CTNND1: variants seen among roughly 807,000 people sequenced by gnomAD.
CTNND1 encodes catenin delta-1.
A neutral mutation model predicts 112.1 loss-of-function variants in CTNND1; 16 were observed. That is an observed-to-expected ratio of 0.14 (90% CI 0.10 to 0.22). The LOEUF is 0.22. Ranked by LOEUF, CTNND1 falls within the 10% of genes least tolerant of loss-of-function variation. The probability of loss-of-function intolerance (pLI) is 1.00; values close to 1 mark genes in which losing one functional copy is unlikely to be tolerated. For synonymous variants in CTNND1, 420 were observed against 446.5 expected, an observed-to-expected ratio of 0.94 and a Z score of 0.75; for missense variants, 1,008 against 1,257.0, an observed-to-expected ratio of 0.80 and a Z score of 3.00.
chr11:57,799,149 A>C (rs1002229278), intron 6 of CTNND1, among the ~76,000 whole-genome samples: 3 of 152,230 alleles, frequency 2.0e-5, no homozygotes, highest in Non-Finnish European at 2.9e-5. Flanking sequence ...CTCACCTTTC[A>C]GGTGTCTTGG....
chr11:57,802,196 G>C lies in CTNND1; in HGVS notation c.1420G>C (p.Gly474Arg). 6.2e-7 allele frequency: 1 copy of C among 1,607,166 alleles called. No homozygotes were observed. The highest frequency in any genetic ancestry group is 8.5e-7 in the Non-Finnish European group (1 of 1,175,816). The change falls in exon 7 of 21, where the codon GGA becomes CGA. Residue 474 changes from glycine to arginine, a missense_variant and splice_region_variant. Transcript: ENST00000399050. ...RDMDLTEVITGTLWNLSSHDS... is the reference protein window; with the variant it reads ...RDMDLTEVITRTLWNLSSHDS... ...TATGGACCTTACTGAAGTTATTACC[G>C]GTGAGTTCTAGGCCTAAGGAAAATT... is the stretch of plus-strand genomic sequence containing the variant.
At chr11:57,780,739 T>C (rs190067338) in intron 1 of CTNND1, among the ~76,000 whole-genome samples, 114 of 152,346 alleles carry the variant, frequency 7.5e-4, no homozygotes, top group Admixed American at 1.6e-3. Flanking sequence ...GTCTCCCTGT[T>C]GCTTATCTCA....
At chr11:57,802,662 G>A (rs1262721157) in intron 7 of CTNND1, among the ~76,000 whole-genome samples, 3 of 152,090 alleles carry the variant, frequency 2.0e-5, no homozygotes, top group South Asian at 2.1e-4. Context: ...TTGACTCACC[G>A]GCTTGACCCA....
At chr11:57,797,206 A>C (rs1432405736) in intron 6 of CTNND1, among the ~76,000 whole-genome samples, 1 of 147,834 alleles carries the variant, frequency 6.8e-6, no homozygotes, top group African/African-American at 2.5e-5. Flanking sequence ...TATATATATA[A>C]TTTTTTAAAT....
intron 7 of CTNND1, 75 bp from the exon 8 acceptor site, chr11:57,803,543 TAGG>T (rs761384134): frequency 3.0e-5 from 34 of 1,132,850 alleles, no homozygotes; most frequent in Non-Finnish European, 4.2e-5. Flanking sequence ...AGTGATACGA[TAGG>T]GGGATTCTCT....
At chr11:57,794,310 T>C (rs2061104316) in intron 4 of CTNND1, among the ~76,000 whole-genome samples, 1 of 152,296 alleles carries the variant, frequency 6.6e-6, no homozygotes, top group Middle Eastern at 3.4e-3. Context: ...TCCTCCCCAC[T>C]GCCACCCCAT....
chr11:57,804,807 T>C (rs1487849236), intron 9 of CTNND1, 27 bp downstream of exon 9: 2 of 1,527,524 alleles, frequency 1.3e-6, no homozygotes, highest in Non-Finnish European at 1.8e-6. Flanking sequence ...CTTTAATGGC[T>C]GAGTGAATTT....
intron 12 of CTNND1, among the ~76,000 whole-genome samples, 161 bp downstream of exon 12, chr11:57,807,144 T>C (rs1049051824): frequency 6.6e-6 from 1 of 152,198 alleles, no homozygotes; most frequent in Non-Finnish European, 1.5e-5. Context: ...TGCATAGTAT[T>C]ATAGCAGTAA....
chr11:57,806,590 C>T, intron 11 of CTNND1, 112 bp downstream of exon 11: 1 of 982,756 alleles, frequency 1.0e-6, no homozygotes, highest in Non-Finnish European at 1.6e-6. Flanking sequence ...TAGGAAAGTT[C>T]AGTTGAGGAA....
intron 17 of CTNND1, among the ~76,000 whole-genome samples, chr11:57,813,472 T>TA (rs1293541035): frequency 6.6e-6 from 1 of 152,246 alleles, no homozygotes; most frequent in Non-Finnish European, 1.5e-5. Flanking sequence ...AAGTGACAAA[T>TA]ACATATGTCA....
Position 57,788,885 on chromosome 11 carries a change from C to G in CTNND1, c.-213-152C>G, listed in dbSNP as rs1565315619. Among the ~76,000 whole-genome samples the G allele has an allele frequency of 6.6e-6, 1 of 152,222 alleles. No individual in the cohort carries two copies. The highest frequency in any genetic ancestry group is 1.5e-5 in the Non-Finnish European group (1 of 68,038). ...CCTAGGTATCTGAACACAACAAGGTCTAAAGGGCACTTGTCACATTAAGCA... is the reference window on the plus strand; with the variant it reads ...CCTAGGTATCTGAACACAACAAGGTGTAAAGGGCACTTGTCACATTAAGCA... On this transcript the variant is annotated intron_variant, in intron 1 of 20. Transcript: ENST00000399050. This position sits in a 1 kb window ranked among gnomAD's most constrained non-coding sequence, Gnocchi z 4.1.
At chr11:57,769,335 CAG>C (rs373036450) in intron 1 of CTNND1, among the ~76,000 whole-genome samples, 4 of 150,988 alleles carry the variant, frequency 2.6e-5, no homozygotes, top group Non-Finnish European at 4.4e-5. Context: ...AAAAAAAAAA[CAG>C]AGAGACAGAG....
chr11:57,806,674 T>A (rs1405832990), intron 11 of CTNND1, 196 bp downstream of exon 11: 6 of 640,166 alleles, frequency 9.4e-6, no homozygotes, highest in Non-Finnish European at 1.7e-5. Flanking sequence ...GTCCCCATTA[T>A]CAGAACTCAG....
At chr11:57,781,099 A>G (rs934665089) in intron 1 of CTNND1, among the ~76,000 whole-genome samples, 4 of 152,050 alleles carry the variant, frequency 2.6e-5, no homozygotes, top group Non-Finnish European at 4.4e-5. Context: ...CCACCACGCC[A>G]GGCTAATTTT....
chr11:57,801,403 G>A (rs888397176), intron 6 of CTNND1, among the ~76,000 whole-genome samples: 7 of 152,182 alleles, frequency 4.6e-5, no homozygotes, highest in Non-Finnish European at 7.3e-5. Flanking sequence ...ATAACTGTCA[G>A]ATATCATTCA....
At chr11:57,806,856 G>A in intron 11 of CTNND1, 59 bp from the exon 12 acceptor site, 1 of 1,389,756 alleles carries the variant, frequency 7.2e-7, no homozygotes, top group South Asian at 1.3e-5. Flanking sequence ...TGTGCCAGGT[G>A]GAATCTTTTC....
chr11:57,793,113 A>G (rs1379060905), intron 3 of CTNND1: 1 of 151,920 alleles, frequency 6.6e-6, no homozygotes, highest in African/African-American at 2.4e-5. Context: ...GTAAAACCAC[A>G]CCCTTCCTTC....
At chr11:57,775,964 T>C (rs932580355) in intron 1 of CTNND1, among the ~76,000 whole-genome samples, 8 of 152,252 alleles carry the variant, frequency 5.3e-5, no homozygotes, top group African/African-American at 1.9e-4. Flanking sequence ...ACCTCCCTTG[T>C]ATTTTCTGAC....
At chr11:57,793,864 G>A (rs1021173869) in intron 3 of CTNND1, 146 bp from the exon 4 acceptor site, 7 of 709,478 alleles carry the variant, frequency 9.9e-6, no homozygotes, top group Non-Finnish European at 1.4e-5. Context: ...AGAGTGAATG[G>A]TTCTTTTATG....
Sources: allele counts gnomAD v4.1 joint callset (sites outside exome capture counted in the v4.1 genomes callset), GRCh38; gene constraint gnomAD v4.1.1; non-coding constraint Gnocchi (gnomAD v3.1); transcripts MANE v1.5; gene names NCBI Gene and HGNC (gene_info 2026-07-23, HGNC 2026-07-21).